Variants in KCNMB4 observed in about 807,000 individuals in gnomAD.
The protein encoded by KCNMB4 is potassium calcium-activated channel subfamily M regulatory beta subunit 4.
Under a neutral mutation model 20.7 loss-of-function variants are expected in KCNMB4, and 3 were observed. The observed-to-expected ratio is 0.14, with a 90% CI of 0.07 to 0.37. KCNMB4 has a LOEUF of 0.37. Ranked by LOEUF, KCNMB4 falls within the 10% of genes least tolerant of loss-of-function variation. KCNMB4 has a pLI of 1.00. For missense variants in KCNMB4, 168 were observed against 265.9 expected, an observed-to-expected ratio of 0.63 and a Z score of 2.56; for synonymous variants, 110 against 113.4, an observed-to-expected ratio of 0.97 and a Z score of 0.19.
chr12:70,417,086 G>A (rs1868931309), intron 2 of KCNMB4, among the ~76,000 whole-genome samples: 1 of 152,142 alleles, frequency 6.6e-6, no homozygotes, highest in Non-Finnish European at 1.5e-5. Flanking sequence ...TGGAGCTATA[G>A]AAAAGAAAAT....
chr12:70,370,681 A>T (rs574014164), intron 1 of KCNMB4, among the ~76,000 whole-genome samples: 1 of 151,994 alleles, frequency 6.6e-6, no homozygotes, highest in South Asian at 2.1e-4. Flanking sequence ...TAAAATTATT[A>T]TGTAAATAAT....
chr12:70,411,893 T>A (rs928422879), intron 2 of KCNMB4, among the ~76,000 whole-genome samples: 2 of 152,204 alleles, frequency 1.3e-5, no homozygotes, highest in East Asian at 3.8e-4. Flanking sequence ...GGAGTGACAG[T>A]CACATTTAAG....
At chr12:70,392,943 G>T (rs924755562) in intron 1 of KCNMB4, among the ~76,000 whole-genome samples, 1 of 151,964 alleles carries the variant, frequency 6.6e-6, no homozygotes, top group Admixed American at 6.6e-5. Flanking sequence ...TAACAAACCT[G>T]CATGTTCTGC....
chr12:70,405,517 A>T (rs1868574572), intron 2 of KCNMB4, among the ~76,000 whole-genome samples: 1 of 152,144 alleles, frequency 6.6e-6, no homozygotes, highest in Non-Finnish European at 1.5e-5. Flanking sequence ...ACAAATTGGA[A>T]CCCTTGCATA....
intron 1 of KCNMB4, among the ~76,000 whole-genome samples, chr12:70,378,253 G>A (rs1223684442): frequency 6.6e-6 from 1 of 151,896 alleles, no homozygotes. Context: ...ACCGCGCCCG[G>A]CCTTCAAGCT....
intron 1 of KCNMB4, among the ~76,000 whole-genome samples, chr12:70,371,569 C>T (rs369533010): frequency 1.3e-5 from 2 of 152,156 alleles, no homozygotes; most frequent in African/African-American, 4.8e-5. Flanking sequence ...TTCTTTGTAA[C>T]CTTTATTTAT....
chr12:70,377,189 G>A (rs1883702737), intron 1 of KCNMB4, among the ~76,000 whole-genome samples: 1 of 152,110 alleles, frequency 6.6e-6, no homozygotes, highest in East Asian at 1.9e-4. Flanking sequence ...AATTCACACG[G>A]AAATGCAAGA....
chr12:70,422,613 C>G (rs947924737), intron 2 of KCNMB4: 17 of 972,074 alleles, frequency 1.7e-5, no homozygotes, highest in Non-Finnish European at 2.1e-5. Flanking sequence ...TTAATAAAGC[C>G]TTTTTGTGCC....
At chr12:70,429,591 C>T (rs550742974) in intron 2 of KCNMB4, among the ~76,000 whole-genome samples, 3 of 150,926 alleles carry the variant, frequency 2.0e-5, no homozygotes, top group Non-Finnish European at 4.4e-5. Context: ...GGCATGAACC[C>T]AGGAGGCGGA....
At chr12:70,392,487 T>C (rs1348036246) in intron 1 of KCNMB4, among the ~76,000 whole-genome samples, 2 of 152,210 alleles carry the variant, frequency 1.3e-5, no homozygotes, top group African/African-American at 4.8e-5. Context: ...ATACTGGGTG[T>C]ATACCCAAAG....
At chr12:70,421,963 G>T (rs1869075189) in intron 2 of KCNMB4, among the ~76,000 whole-genome samples, 1 of 151,214 alleles carries the variant, frequency 6.6e-6, no homozygotes. Flanking sequence ...CATCCATCTG[G>T]ATTTTTTGGT....
At chr12:70,415,237 G>T (rs1007912796) in intron 2 of KCNMB4, among the ~76,000 whole-genome samples, 7 of 152,180 alleles carry the variant, frequency 4.6e-5, no homozygotes, top group African/African-American at 1.4e-4. Flanking sequence ...GCTGGCAAGT[G>T]ACAGAGCCAG....
At chr12:70,372,846 T>C (rs1364361923) in intron 1 of KCNMB4, among the ~76,000 whole-genome samples, 1 of 151,970 alleles carries the variant, frequency 6.6e-6, no homozygotes, top group Non-Finnish European at 1.5e-5. Context: ...GGGAAAAAGT[T>C]AGGGGGAAAG....
chr12:70,408,041 TC>T (rs1372439762), intron 2 of KCNMB4, among the ~76,000 whole-genome samples: 1 of 152,178 alleles, frequency 6.6e-6, no homozygotes, highest in East Asian at 1.9e-4. Context: ...AAATTTAAGC[TC>T]ATTATACCTC....
chr12:70,367,453 C>G (rs1367132191), intron 1 of KCNMB4, among the ~76,000 whole-genome samples: 1 of 152,158 alleles, frequency 6.6e-6, no homozygotes, highest in African/African-American at 2.4e-5. Context: ...TACTCCAGCT[C>G]ACGGTCAAGG....
chr12:70,397,981 T>C (rs1032758874), intron 1 of KCNMB4, among the ~76,000 whole-genome samples: 45 of 152,270 alleles, frequency 3.0e-4, no homozygotes, highest in Admixed American at 2.1e-3. Flanking sequence ...TATAAACTAA[T>C]TGACTATAAT....
chr12:70,420,209 A>G (rs1869015446), intron 2 of KCNMB4, among the ~76,000 whole-genome samples: 1 of 152,214 alleles, frequency 6.6e-6, no homozygotes, highest in Admixed American at 6.5e-5. Flanking sequence ...AGAGCGGTTT[A>G]TGGTACTGTG....
intron 2 of KCNMB4, among the ~76,000 whole-genome samples, chr12:70,420,197 G>GTACTTACT (rs1444900479): frequency 1.3e-5 from 2 of 152,210 alleles, no homozygotes; most frequent in Non-Finnish European, 2.9e-5. Flanking sequence ...TTACAGTATA[G>GTACTTACT]GAGAGCGGTT....
intron 1 of KCNMB4, among the ~76,000 whole-genome samples, chr12:70,386,424 A>C: frequency 6.6e-6 from 1 of 152,108 alleles, no homozygotes. Context: ...ATTTTTTTTT[A>C]ACTATATGAA....
Sources: allele counts gnomAD v4.1 joint callset (sites outside exome capture counted in the v4.1 genomes callset), GRCh38; gene constraint gnomAD v4.1.1; transcripts MANE v1.5; gene names NCBI Gene and HGNC (gene_info 2026-07-23, HGNC 2026-07-21).